Variants in YIPF7 observed in about 807,000 individuals in gnomAD.
YIPF7 encodes the protein protein YIPF7.
Under a neutral mutation model 27.2 loss-of-function variants are expected in YIPF7, and 35 were observed. The ratio of observed to expected loss-of-function variants is 1.29; its 90% CI spans 0.98 to 1.70. YIPF7 has a LOEUF of 1.70. YIPF7 is among the 40% of genes most tolerant of loss of function. YIPF7 has a pLI of 0.00. For synonymous variants in YIPF7, 137 were observed against 110.4 expected (o/e 1.24, Z -1.51); for missense variants, 358 against 303.7 (o/e 1.18, Z -1.33).
chr4:44,648,569 T>A (rs746170569), intron 2 of YIPF7, among the ~76,000 whole-genome samples: 8 of 152,144 alleles, frequency 5.3e-5, no homozygotes, highest in Non-Finnish European at 1.0e-4. Context: ...GTCTGACTCT[T>A]CTTGCCCTCT....
chr4:44,649,381 G>A (rs1056383599), intron 2 of YIPF7, among the ~76,000 whole-genome samples: 2 of 152,048 alleles, frequency 1.3e-5, no homozygotes, highest in Non-Finnish European at 2.9e-5. Flanking sequence ...TGTATTCTTG[G>A]GCAATTTACT....
intron 2 of YIPF7, among the ~76,000 whole-genome samples, chr4:44,646,714 GCA>G (rs1346345283): frequency 1.3e-5 from 2 of 152,128 alleles, no homozygotes; most frequent in Non-Finnish European, 2.9e-5. Flanking sequence ...GTCTTAGTGA[GCA>G]CAGTCACCCA....
At chr4:44,636,501 C>T (rs1424668696) in intron 2 of YIPF7, among the ~76,000 whole-genome samples, 1 of 152,136 alleles carries the variant, frequency 6.6e-6, no homozygotes, top group African/African-American at 2.4e-5. Flanking sequence ...GTGATCTGCT[C>T]GCCACACACT....
At chr4:44,629,223 T>C in intron 4 of YIPF7, 180 bp downstream of exon 4, 1 of 614,004 alleles carries the variant, frequency 1.6e-6, no homozygotes, top group Non-Finnish European at 2.4e-6. Context: ...ATTTATACTT[T>C]TTAGCTGTTG....
At chr4:44,646,124 TTTA>T (rs1278962396) in intron 2 of YIPF7, among the ~76,000 whole-genome samples, 3 of 152,212 alleles carry the variant, frequency 2.0e-5, no homozygotes, top group African/African-American at 7.2e-5. Context: ...CTTTTTGGTG[TTTA>T]TTAATTCCAG....
At chr4:44,645,501 T>C (rs999455343) in intron 2 of YIPF7, among the ~76,000 whole-genome samples, 1 of 152,216 alleles carries the variant, frequency 6.6e-6, no homozygotes, top group Non-Finnish European at 1.5e-5. Context: ...ATATTTAAGA[T>C]GTCAACGTTA....
At chr4:44,624,373 C>T (rs1712549279) in intron 5 of YIPF7, among the ~76,000 whole-genome samples, 1 of 151,996 alleles carries the variant, frequency 6.6e-6, no homozygotes, top group Non-Finnish European at 1.5e-5. Flanking sequence ...CAAAAAGTGT[C>T]AGTTTTAAAG....
upstream of YIPF7, among the ~76,000 whole-genome samples, chr4:44,652,334 C>T (rs1327281472): frequency 8.5e-5 from 13 of 152,184 alleles, no homozygotes; most frequent in Admixed American, 7.9e-4. Context: ...ACTATCAATT[C>T]TATCTAGATC....
At chr4:44,645,129 T>C (rs1330403370) in intron 2 of YIPF7, among the ~76,000 whole-genome samples, 1 of 152,182 alleles carries the variant, frequency 6.6e-6, no homozygotes, top group Admixed American at 6.5e-5. Context: ...GTCTCGAGAA[T>C]TTCTTCATAG....
chr4:44,650,011 G>A lies in YIPF7; in HGVS notation c.90C>T (p.Ala30=), dbSNP rs1359573778. 1.3e-6 allele frequency: 2 copies of A among 1,571,860 alleles called. No homozygotes were observed. The highest frequency in any genetic ancestry group is 2.3e-5 in the East Asian group (1 of 43,664). The change falls in exon 2 of 6, where the codon GCC becomes GCT. Residue 30 remains alanine (A), a synonymous_variant. Coordinates refer to ENST00000415895, the MANE Select transcript of YIPF7 (RefSeq NM_182592.3). ...NQEQSGNDSN[A]YGNLYGSRKQ... ...TTCTAGATCCATAAAGATTTCCATA[G>A]GCATTAGAGTCATTACCACTCTGCT...
At chr4:44,624,185 C>T (rs1712540180) in intron 5 of YIPF7, among the ~76,000 whole-genome samples, 1 of 151,838 alleles carries the variant, frequency 6.6e-6, no homozygotes, top group Non-Finnish European at 1.5e-5. Flanking sequence ...CTGCCTCAGC[C>T]TCCCGAGTAG....
chr4:44,623,098 C>T (rs1016949918), intron 5 of YIPF7, among the ~76,000 whole-genome samples: 9 of 152,324 alleles, frequency 5.9e-5, no homozygotes, highest in Non-Finnish European at 1.2e-4. Context: ...CAGGAAAGCA[C>T]ATATGTGTGT....
chr4:44,622,303 C>T lies in YIPF7; in HGVS notation c.*111G>A. 1 of 1,314,444 alleles carries T rather than the reference C, an allele frequency of 7.6e-7. No individual in the cohort carries two copies. Among genetic ancestry groups the T allele is most frequent in the Non-Finnish European group, 1.0e-6 (1 of 966,994 alleles). 81.4% of individuals were successfully genotyped at this position (1,314,444 alleles called of 1,614,324 possible). A position where few individuals can be genotyped will look rare whatever the true frequency, so the allele number is the denominator to read the frequency against. ...TGCTGCTTTGTCTCTCTGCTTATTACTCTCTCAAAAGCAATAAAACAGAAA... is the reference window on the plus strand; with the variant it reads ...TGCTGCTTTGTCTCTCTGCTTATTATTCTCTCAAAAGCAATAAAACAGAAA... On this transcript the variant is annotated 3_prime_UTR_variant, in exon 6 of 6. Coordinates refer to ENST00000415895, the MANE Select transcript of YIPF7 (RefSeq NM_182592.3).
rs141412387 is a variant in YIPF7, at chr4:44,628,337, T to C, written c.426+1066A>G. Among the ~76,000 whole-genome samples the C allele has an allele frequency of 1.9e-4, 29 of 152,300 alleles. 1 individual carries two copies. On this transcript the variant is annotated intron_variant, in intron 4 of 5. Coordinates refer to ENST00000415895, the MANE Select transcript of YIPF7 (RefSeq NM_182592.3). The stretch of plus-strand genomic sequence containing the variant: ...TTGCTATCAGTATTTTGATTGATTA[T>C]ATACAATAATTGAAAAGCAGAATTT...
At chr4:44,644,694 G>A (rs1844804) in intron 2 of YIPF7, among the ~76,000 whole-genome samples, 80,753 of 151,870 alleles carry the variant, frequency 0.53, 22,383 homozygotes, top group Non-Finnish European at 0.62. Flanking sequence ...GGGAACTGTT[G>A]GGAAGGCTTA....
At chr4:44,651,674 T>C, upstream of YIPF7, 2 of 1,397,298 alleles carry the variant, frequency 1.4e-6, no homozygotes, top group Non-Finnish European at 1.9e-6. Flanking sequence ...TAAATTTGTA[T>C]TCTGACACCC....
At chr4:44,628,641 C>T (rs1712758295) in intron 4 of YIPF7, among the ~76,000 whole-genome samples, 1 of 107,096 alleles carries the variant, frequency 9.3e-6, no homozygotes, top group Admixed American at 1.2e-4. Flanking sequence ...AAGTCAGAGA[C>T]ATTTTCTCAT....
In YIPF7 at chr4:44,636,041, G is replaced by A. The variant is rs759115054; in HGVS notation, c.161C>T (p.Ser54Leu). ...GTAACCCGATGACATGAGCATCTCT[G>A]ATGGAACAAAGGAGGCAGGCTGAGG... ...EQPQPASFVP[S>L]EMLMSSGYAG... The change falls in exon 3 of 6, where the codon TCA becomes TTA. Residue 54 changes from serine to leucine, a missense_variant. Transcript: ENST00000415895. 2.5e-6 allele frequency: 4 copies of A among 1,613,654 alleles called. No individual in the cohort carries two copies. In the South Asian group the frequency reaches 4.4e-5, roughly 18 times the overall value.
chr4:44,649,965 G>T lies in YIPF7; in HGVS notation c.116+20C>A. ...TGAGACTCTGTCAAAAAAAAAAAAA[G>T]AAAAATATTAAGTACTTACTTTCTA... On this transcript the variant is annotated intron_variant, in intron 2 of 5. Transcript: ENST00000415895. The T allele has an allele frequency of 5.7e-6, 7 of 1,217,580 alleles. No homozygotes were observed. Among genetic ancestry groups the T allele is most frequent in the African/African-American group, 1.6e-5 (1 of 62,998 alleles). 75.4% of individuals were successfully genotyped at this position (1,217,580 alleles called of 1,614,324 possible).
Sources: gnomAD v4.1 joint callset for allele counts (sites outside exome capture counted in the v4.1 genomes callset) on GRCh38, gnomAD v4.1.1 for gene constraint, MANE v1.5 for transcripts, NCBI Gene and HGNC (gene_info 2026-07-23, HGNC 2026-07-21) for gene names.